Variants in ENDOD1 observed in about 807,000 individuals in gnomAD.
ENDOD1 encodes endonuclease domain-containing 1 protein.
ENDOD1 carries 9 observed loss-of-function variants against 6.5 expected under a neutral mutation model. The observed-to-expected ratio is 1.39, with a 90% CI of 0.84 to 2.43. The LOEUF is 2.43. ENDOD1 is among the 30% of genes most tolerant of loss of function. The pLI is 0.00. For synonymous variants in ENDOD1, 255 were observed against 255.2 expected (o/e 1.00, Z 0.01); for missense variants, 648 against 635.5 (o/e 1.02, Z -0.21).
chr11:95,098,646 G>A (rs1211419170), intron 1 of ENDOD1, among the ~76,000 whole-genome samples: 1 of 151,918 alleles, frequency 6.6e-6, no homozygotes, highest in Non-Finnish European at 1.5e-5. Flanking sequence ...AGTAAGTACA[G>A]TCTAGAGCTC....
intron 1 of ENDOD1, among the ~76,000 whole-genome samples, chr11:95,114,554 T>C (rs1859184539): frequency 6.6e-6 from 1 of 152,208 alleles, no homozygotes; most frequent in Non-Finnish European, 1.5e-5. Flanking sequence ...TACGGGATAT[T>C]ACTCAAGAAA....
At chr11:95,100,400 T>C (rs1292368916) in intron 1 of ENDOD1, among the ~76,000 whole-genome samples, 1 of 152,208 alleles carries the variant, frequency 6.6e-6, no homozygotes, top group African/African-American at 2.4e-5. Flanking sequence ...TTATCCTGCA[T>C]AATCTGTGTC....
At chr11:95,106,440 A>T (rs1451281377) in intron 1 of ENDOD1, among the ~76,000 whole-genome samples, 13 of 152,110 alleles carry the variant, frequency 8.5e-5, no homozygotes, top group Admixed American at 8.5e-4. Flanking sequence ...GGTTTGAGAG[A>T]AGAAGTTGGA....
chr11:95,128,315 T>A (rs1859331086), intron 1 of ENDOD1, 62 bp from the exon 2 acceptor site: 2 of 1,558,030 alleles, frequency 1.3e-6, no homozygotes, highest in Non-Finnish European at 1.7e-6. Flanking sequence ...GGCAGGATGA[T>A]TCTAGTGCTG....
intron 1 of ENDOD1, among the ~76,000 whole-genome samples, chr11:95,122,930 TG>T (rs1317612991): frequency 1.3e-5 from 2 of 152,188 alleles, no homozygotes; most frequent in Non-Finnish European, 2.9e-5. Flanking sequence ...GGCTCACGCC[TG>T]TAATCCCAGC....
intron 1 of ENDOD1, among the ~76,000 whole-genome samples, chr11:95,104,201 G>C (rs529628692): frequency 2.0e-4 from 31 of 152,294 alleles, no homozygotes; most frequent in Admixed American, 1.5e-3. Context: ...TGTAATCCCA[G>C]GACTTTGAAA....
At chr11:95,127,470 T>A (rs1859322600) in intron 1 of ENDOD1, among the ~76,000 whole-genome samples, 1 of 152,214 alleles carries the variant, frequency 6.6e-6, no homozygotes. Context: ...TGAATTTTAG[T>A]TTTGCCTGAT....
At chr11:95,109,678 C>G (rs1859127517) in intron 1 of ENDOD1, among the ~76,000 whole-genome samples, 1 of 152,298 alleles carries the variant, frequency 6.6e-6, no homozygotes, top group Non-Finnish European at 1.5e-5. Context: ...GCTGTCTCCA[C>G]TCACACCAGT....
Position 95,129,595 on chromosome 11 carries a change from A to C in ENDOD1, c.*16A>C, listed in dbSNP as rs200768980. The C allele has an allele frequency of 1.1e-5, 18 of 1,598,304 alleles. No individual in the cohort carries two copies. Among genetic ancestry groups the C allele is most frequent in the Non-Finnish European group, 1.1e-5 (13 of 1,170,986 alleles). On this transcript the variant is annotated 3_prime_UTR_variant, in exon 2 of 2. Transcript: ENST00000278505. ...GGAGTTATAAACTCAAAAAACTAATAGTATCCAGTCACAGTGAATTTGAAA... is the reference window on the plus strand; with the variant it reads ...GGAGTTATAAACTCAAAAAACTAATCGTATCCAGTCACAGTGAATTTGAAA...
chr11:95,110,245 C>T (rs1318041405), intron 1 of ENDOD1, among the ~76,000 whole-genome samples: 1 of 152,252 alleles, frequency 6.6e-6, no homozygotes, highest in Non-Finnish European at 1.5e-5. Context: ...GCCCTCCTTT[C>T]ATCCTCCCCT....
In ENDOD1 at chr11:95,119,575, C is replaced by T. The variant is rs190312727; in HGVS notation, c.301-8802C>T. Among the ~76,000 whole-genome samples the T allele has an allele frequency of 1.8e-4, 27 of 152,266 alleles. No homozygotes were observed. The East Asian group carries it at 5.2e-3, about 29-fold the overall frequency. On this transcript the variant is annotated intron_variant, in intron 1 of 1. Coordinates refer to ENST00000278505, the MANE Select transcript of ENDOD1 (RefSeq NM_015036.3). ...CTGAGGATGGAGTGACACAAGCACC[C>T]CTGTGGCCACCACCGCTAGGACTGT...
At chr11:95,101,880 T>A (rs535998290) in intron 1 of ENDOD1, among the ~76,000 whole-genome samples, 1 of 152,340 alleles carries the variant, frequency 6.6e-6, no homozygotes, top group South Asian at 2.1e-4. Flanking sequence ...ATAGAAGACC[T>A]CAGGACTTCA....
chr11:95,109,767 C>G (rs1220665267), intron 1 of ENDOD1, among the ~76,000 whole-genome samples: 1 of 152,264 alleles, frequency 6.6e-6, no homozygotes, highest in Non-Finnish European at 1.5e-5. Flanking sequence ...CTTCTCCTCC[C>G]CATCACCACT....
rs1555111812 is a variant in ENDOD1 at position 95,110,579 on chromosome 11, A to ATGTGTGGTGTGTGTG, written c.301-17795_301-17794insGTGGTGTGTGTGTGT. On this transcript the variant is annotated intron_variant, in intron 1 of 1. Transcript: ENST00000278505. Reference sequence around the variant, plus strand: ...TTTTTGCTGACTTTCAAGTCCGTGTATGTATGTGTGTGTGTGTGTGTGTGT... The same window carrying ATGTGTGGTGTGTGTG: ...TTTTTGCTGACTTTCAAGTCCGTGTATGTGTGGTGTGTGTGTGTATGTGTGTGTGTGTGTGTGTGT... Among the ~76,000 whole-genome samples, 1,322 of 135,244 alleles carry ATGTGTGGTGTGTGTG rather than the reference A, an allele frequency of 9.8e-3. 23 individuals carry two copies. Among genetic ancestry groups the ATGTGTGGTGTGTGTG allele is most frequent in the African/African-American group, 0.033 (1,260 of 37,830 alleles). 88.7% of individuals were successfully genotyped at this position (135,244 alleles called of 152,430 possible). A position where few individuals can be genotyped will look rare whatever the true frequency, so the allele number is the denominator to read the frequency against.
rs538947351 is a variant in ENDOD1, at chr11:95,128,392, A to G, written c.316A>G (p.Ser106Gly). 1 of 1,613,388 alleles carries G rather than the reference A, an allele frequency of 6.2e-7. No individual in the cohort carries two copies. Among genetic ancestry groups the G allele is most frequent in the East Asian group, 2.2e-5 (1 of 44,886 alleles). ...CTTCTTGCAGATCGATGACCCCAACAGCAACCTTGAGGAGGCGATTAATGA... is the reference window on the plus strand; with the variant it reads ...CTTCTTGCAGATCGATGACCCCAACGGCAACCTTGAGGAGGCGATTAATGA... ...LVEPQIDDPN[S>G]NLEEAINEAE... Residue 106 changes from serine (S) to glycine (G), a missense_variant, in exon 2 of 2, where the codon AGC becomes GGC. Transcript: ENST00000278505.
intron 1 of ENDOD1, among the ~76,000 whole-genome samples, chr11:95,107,579 G>A (rs1392714222): frequency 6.6e-6 from 1 of 152,164 alleles, no homozygotes; most frequent in Non-Finnish European, 1.5e-5. Context: ...TGTGAGTAAC[G>A]TGGAAGGAAA....
At chr11:95,118,860 T>C (rs988175315) in intron 1 of ENDOD1, among the ~76,000 whole-genome samples, 2 of 152,202 alleles carry the variant, frequency 1.3e-5, no homozygotes, top group Admixed American at 1.3e-4. Context: ...ATTCTTTTTC[T>C]TTTGTCTCTT....
chr11:95,099,507 A>G (rs1433466580), intron 1 of ENDOD1, among the ~76,000 whole-genome samples: 10 of 152,224 alleles, frequency 6.6e-5, no homozygotes, highest in Admixed American at 1.3e-4. Flanking sequence ...CCACACATCC[A>G]TCATCCAGCC....
At position 95,122,589 on chromosome 11, in the gene ENDOD1, TACAC is replaced by T. The variant is rs55940348; in HGVS notation, c.301-5756_301-5753del. Reference sequence around the variant, plus strand: ...CTATAGATGAAGTGGGCATTTAAGTTACACACACACACACACACACACACACACA... The same window carrying T: ...CTATAGATGAAGTGGGCATTTAAGTTACACACACACACACACACACACACA... On this transcript the variant is annotated intron_variant, in intron 1 of 1. Transcript: ENST00000278505. Among the ~76,000 whole-genome samples the T allele has an allele frequency of 5.8e-3, 827 of 142,794 alleles. 7 individuals carry two copies. Among genetic ancestry groups the T allele is most frequent in the African/African-American group, 0.015 (568 of 38,162 alleles). 93.7% of individuals were successfully genotyped at this position (142,794 alleles called of 152,430 possible).
Sources: allele counts gnomAD v4.1 joint callset (sites outside exome capture counted in the v4.1 genomes callset), GRCh38; gene constraint gnomAD v4.1.1; transcripts MANE v1.5; gene names NCBI Gene and HGNC (gene_info 2026-07-23, HGNC 2026-07-21).